The following PCDHA13 variants were observed in gnomAD, a reference collection of about 807,000 sequenced individuals.
The protein encoded by PCDHA13 is protocadherin alpha-13.
PCDHA13 carries 54 observed loss-of-function variants against 64.8 expected under a neutral mutation model. That is an observed-to-expected ratio of 0.83 (90% CI 0.67 to 1.04). The LOEUF is 1.04. Ranked by LOEUF, PCDHA13 falls within the 50% of genes least tolerant of loss-of-function variation. The pLI, the probability that PCDHA13 is intolerant of heterozygous loss-of-function variation, is 0.00. For missense variants in PCDHA13, 1,248 were observed against 1,254.3 expected, an observed-to-expected ratio of 0.99 and a Z score of 0.08; for synonymous variants, 587 against 564.4, an observed-to-expected ratio of 1.04 and a Z score of -0.57.
chr5:140,927,508 C>T lies in PCDHA13; in HGVS notation c.2394+42846C>T, dbSNP rs551245842. On this transcript the variant is annotated intron_variant, in intron 1 of 3. Coordinates refer to ENST00000289272, the MANE Select transcript of PCDHA13 (RefSeq NM_018904.3). The stretch of plus-strand genomic sequence containing the variant: ...CACCCACCTGCTGGTGCTTACAGCT[C>T]GGGACGGCGGGCTACCTGCCCGCTC... The T allele has an allele frequency of 9.9e-6, 16 of 1,614,074 alleles. No individual in the cohort carries two copies. In the South Asian group the frequency reaches 1.4e-4, roughly 14 times the overall value.
intron 3 of PCDHA13, among the ~76,000 whole-genome samples, chr5:140,993,787 A>AT (rs1554253947): frequency 6.6e-6 from 1 of 152,196 alleles, no homozygotes; most frequent in Non-Finnish European, 1.5e-5. Context: ...GTACAGTAAC[A>AT]TGCTGTGCAG....
rs2060266286 is a variant in PCDHA13, at chr5:140,884,563, T to TAAGACG, written c.2296_2301dup (p.Lys766_Thr767dup). On this transcript the variant is annotated inframe_insertion, in exon 1 of 4. Coordinates refer to ENST00000289272, the MANE Select transcript of PCDHA13 (RefSeq NM_018904.3). ...GGGTGTGCTCTGGGGAGGGCCCGCATAAGACGGACCTCATGGCCTTCAGTC... is the reference window on the plus strand; with the variant it reads ...GGGTGTGCTCTGGGGAGGGCCCGCATAAGACGAAGACGGACCTCATGGCCTTCAGTC... The TAAGACG allele has an allele frequency of 5.6e-6, 9 of 1,614,032 alleles. No homozygotes were observed. The highest frequency in any genetic ancestry group is 7.6e-6 in the Non-Finnish European group (9 of 1,180,034).
At chr5:140,927,301 C>A in intron 1 of PCDHA13, 3 of 1,614,204 alleles carry the variant, frequency 1.9e-6, no homozygotes, top group Non-Finnish European at 2.5e-6. Context: ...CCCCGAGTTC[C>A]TGACGCCCGG....
rs189094380 is a variant in PCDHA13 at position 140,918,016 on chromosome 5, T to C, written c.2394+33354T>C. Among the ~76,000 whole-genome samples the C allele has an allele frequency of 1.3e-4, 20 of 152,344 alleles. No individual in the cohort carries two copies. The East Asian group carries it at 3.9e-3, about 29-fold the overall frequency. ...TTATCTTAACAATGTTGTTTCTTCC[T>C]ACCCATGAGCGTGGAAGGTCTTTCC... On this transcript the variant is annotated intron_variant, in intron 1 of 3. Transcript: ENST00000289272.
At chr5:140,893,780 C>G (rs966071281) in intron 1 of PCDHA13, among the ~76,000 whole-genome samples, 1 of 151,980 alleles carries the variant, frequency 6.6e-6, no homozygotes. Flanking sequence ...TTTCTTTTAC[C>G]GTTTTTAGAA....
intron 1 of PCDHA13, chr5:140,966,754 G>A (rs1554228611): frequency 1.4e-6 from 2 of 1,432,146 alleles, no homozygotes; most frequent in South Asian, 3.0e-5. Context: ...TGCCTCCGCC[G>A]CGGCCAGTGG....
At chr5:140,941,244 T>TTTCG (rs2092953100) in intron 1 of PCDHA13, among the ~76,000 whole-genome samples, 1 of 141,602 alleles carries the variant, frequency 7.1e-6, no homozygotes, top group South Asian at 2.3e-4. Context: ...TCTTTCTTTC[T>TTTCG]TTCTTTCTTT....
chr5:141,005,666 C>T (rs1304126376), intron 3 of PCDHA13, among the ~76,000 whole-genome samples: 2 of 130,134 alleles, frequency 1.5e-5, no homozygotes, highest in Non-Finnish European at 3.1e-5. Context: ...CGCGCCACTG[C>T]ACTCCAGCCT....
At chr5:140,935,520 G>A (rs1404556030) in intron 1 of PCDHA13, among the ~76,000 whole-genome samples, 1 of 152,154 alleles carries the variant, frequency 6.6e-6, no homozygotes, top group Non-Finnish European at 1.5e-5. Context: ...CAGTAGGCAT[G>A]TACAGTCAAA....
At chr5:140,909,854 C>T (rs756812618) in intron 1 of PCDHA13, among the ~76,000 whole-genome samples, 8 of 152,186 alleles carry the variant, frequency 5.3e-5, no homozygotes, top group Non-Finnish European at 1.2e-4. Flanking sequence ...CGTTTTCGGT[C>T]CCCTGGAGTC....
At chr5:140,980,278 GA>G (rs1351425532) in intron 2 of PCDHA13, among the ~76,000 whole-genome samples, 1 of 152,166 alleles carries the variant, frequency 6.6e-6, no homozygotes, top group Non-Finnish European at 1.5e-5. Flanking sequence ...ACCAACTCTT[GA>G]AAAGTACCAA....
At chr5:140,923,071 C>T (rs1319984584) in intron 1 of PCDHA13, among the ~76,000 whole-genome samples, 2 of 152,202 alleles carry the variant, frequency 1.3e-5, no homozygotes, top group Non-Finnish European at 2.9e-5. Context: ...TAGGTCTCCT[C>T]ATGTCAGCAC....
intron 3 of PCDHA13, among the ~76,000 whole-genome samples, chr5:140,986,151 G>T (rs547474191): frequency 6.6e-6 from 1 of 152,316 alleles, no homozygotes; most frequent in East Asian, 1.9e-4. Flanking sequence ...GCATCACCAA[G>T]TAATGTTTTC....
chr5:140,984,478 A>G (rs1374350616), intron 3 of PCDHA13, among the ~76,000 whole-genome samples: 1 of 152,078 alleles, frequency 6.6e-6, no homozygotes, highest in Non-Finnish European at 1.5e-5. Flanking sequence ...TGTATAACCC[A>G]TTTTATCCAG....
intron 1 of PCDHA13, chr5:140,969,172 G>T (rs782196654): frequency 1.2e-5 from 19 of 1,614,086 alleles, no homozygotes; most frequent in Non-Finnish European, 1.5e-5. Context: ...CAGGCTCAGG[G>T]AGTGACACTT....
rs536794003 is a variant in PCDHA13, at chr5:140,982,215, G to A, written c.2454-260G>A. Reference sequence around the variant, plus strand: ...CTGTTAGATTTAGTGAGCGCCACATGGCGTTAATAAAAAACAGAATTGCCA... The same window carrying A: ...CTGTTAGATTTAGTGAGCGCCACATAGCGTTAATAAAAAACAGAATTGCCA... On this transcript the variant is annotated intron_variant, in intron 2 of 3. Coordinates refer to ENST00000289272, the MANE Select transcript of PCDHA13 (RefSeq NM_018904.3). The A allele has an allele frequency of 2.0e-5, 10 of 491,624 alleles. No individual in the cohort carries two copies. In the South Asian group the frequency reaches 3.6e-4, roughly 18 times the overall value. The allele number at this position is 491,624 out of a possible 1,614,324, so 30.5% of individuals were successfully genotyped here. A position where few individuals can be genotyped will look rare whatever the true frequency, so the allele number is the denominator to read the frequency against.
rs1296767379 is a variant in PCDHA13 at position 140,898,372 on chromosome 5, T to C, written c.2394+13710T>C. ...ATCTTGAATTAATTTTTGTATAAGG[T>C]GTAAGGAAGGGATCCAGTTTCAGCT... On this transcript the variant is annotated intron_variant, in intron 1 of 3. Coordinates refer to ENST00000289272, the MANE Select transcript of PCDHA13 (RefSeq NM_018904.3). Among the ~76,000 whole-genome samples, 5 of 152,320 alleles carry C rather than the reference T, an allele frequency of 3.3e-5. No individual in the cohort carries two copies. In the East Asian group the frequency reaches 9.6e-4, roughly 29 times the overall value.
intron 1 of PCDHA13, among the ~76,000 whole-genome samples, chr5:140,902,478 T>C (rs190206747): frequency 6.6e-6 from 1 of 152,312 alleles, no homozygotes; most frequent in African/African-American, 2.4e-5. Context: ...AGTTTTTGCC[T>C]GCTCAGTATG....
At chr5:140,902,854 C>T (rs186872091) in intron 1 of PCDHA13, among the ~76,000 whole-genome samples, 154 of 152,240 alleles carry the variant, frequency 1.0e-3, no homozygotes, top group Middle Eastern at 3.4e-3. Flanking sequence ...AGAAAAATGG[C>T]GTCCAGGTCC....
Sources: allele counts gnomAD v4.1 joint callset (sites outside exome capture counted in the v4.1 genomes callset), GRCh38; gene constraint gnomAD v4.1.1; transcripts MANE v1.5; gene names NCBI Gene and HGNC (gene_info 2026-07-23, HGNC 2026-07-21).